RPIA: variants seen among roughly 807,000 people sequenced by gnomAD.
The protein encoded by RPIA is ribose-5-phosphate isomerase.
In RPIA, 29 loss-of-function variants were observed where a neutral mutation model predicts 37.8. That is an observed-to-expected ratio of 0.77 (90% CI 0.57 to 1.05). The LOEUF (loss-of-function observed/expected upper bound fraction) is 1.05. Ranked by LOEUF, RPIA falls within the 50% of genes least tolerant of loss-of-function variation. RPIA has a pLI of 0.00. For missense variants in RPIA, 385 were observed against 413.6 expected, an observed-to-expected ratio of 0.93 and a Z score of 0.60; for synonymous variants, 167 against 157.0, an observed-to-expected ratio of 1.06 and a Z score of -0.48.
chr2:88,706,408 A>G (rs1293332699), intron 3 of RPIA, among the ~76,000 whole-genome samples: 2 of 152,178 alleles, frequency 1.3e-5, no homozygotes, highest in Admixed American at 6.5e-5. Flanking sequence ...TGGCAGGGAC[A>G]TGGATAGAGC....
At chr2:88,719,825 GA>G (rs1673097726) in intron 3 of RPIA, among the ~76,000 whole-genome samples, 1 of 152,050 alleles carries the variant, frequency 6.6e-6, no homozygotes, top group Non-Finnish European at 1.5e-5. Context: ...CTTTATTAAG[GA>G]GTCGGTTAAT....
intron 8 of RPIA, among the ~76,000 whole-genome samples, chr2:88,740,913 A>T (rs1428208156): frequency 6.6e-6 from 1 of 152,074 alleles, no homozygotes; most frequent in African/African-American, 2.4e-5. Context: ...TCATCTTTGG[A>T]AGGATCCAGT....
chr2:88,703,001 C>G (rs936298720), intron 3 of RPIA, among the ~76,000 whole-genome samples: 15 of 152,190 alleles, frequency 9.9e-5, no homozygotes, highest in African/African-American at 3.4e-4. Context: ...AGTCTGAAAT[C>G]CAGGATGGGC....
intron 8 of RPIA, among the ~76,000 whole-genome samples, chr2:88,746,025 C>T (rs1673433840): frequency 6.6e-6 from 1 of 152,034 alleles, no homozygotes; most frequent in Non-Finnish European, 1.5e-5. Flanking sequence ...AATTTGAAAG[C>T]CTTGTCTTCG....
intron 8 of RPIA, among the ~76,000 whole-genome samples, chr2:88,747,543 A>C (rs1037433756): frequency 1.3e-5 from 2 of 152,114 alleles, no homozygotes; most frequent in African/African-American, 4.8e-5. Context: ...GCCCCTCCCC[A>C]GTTCTGCTGG....
At chr2:88,742,749 G>A (rs983000178) in intron 8 of RPIA, among the ~76,000 whole-genome samples, 1 of 152,058 alleles carries the variant, frequency 6.6e-6, no homozygotes, top group Non-Finnish European at 1.5e-5. Flanking sequence ...TCCTTGTAGA[G>A]ATCTTTCACC....
At position 88,729,822 on chromosome 2, in the gene RPIA, C is replaced by T. The variant is rs1472932698; in HGVS notation, c.462+485C>T. ...GAAAGGATCAACAAAATTGATAGAC[C>T]GCTAGCAAGACTAATAAAGAAAAAA... On this transcript the variant is annotated intron_variant, in intron 4 of 8. Transcript: ENST00000283646. Among the ~76,000 whole-genome samples the T allele has an allele frequency of 3.7e-5, 2 of 53,552 alleles. 1 individual carries two copies. Among genetic ancestry groups the T allele is most frequent in the Admixed American group, 3.4e-4 (2 of 5,858 alleles). The allele number at this position is 53,552 out of a possible 152,430, so 35.1% of individuals were successfully genotyped here.
At chr2:88,698,351 G>A in intron 1 of RPIA, 133 bp from the exon 2 acceptor site, 1 of 790,914 alleles carries the variant, frequency 1.3e-6, no homozygotes. Flanking sequence ...TATAAAATAG[G>A]CACAGTACCT....
chr2:88,749,889 A>T, intron 8 of RPIA, 92 bp from the exon 9 acceptor site: 1 of 808,354 alleles, frequency 1.2e-6, no homozygotes, highest in Non-Finnish European at 2.2e-6. Flanking sequence ...AATGCTGTGT[A>T]TGACAGTTGC....
intron 3 of RPIA, among the ~76,000 whole-genome samples, chr2:88,714,550 T>TA (rs1673009475): frequency 2.0e-5 from 3 of 152,190 alleles, no homozygotes; most frequent in Admixed American, 2.0e-4. Flanking sequence ...GTCAGGCCAT[T>TA]ACCTTGGGGA....
rs1913670 is a variant in RPIA, at chr2:88,712,842, G to A, written c.402+12778G>A. Among the ~76,000 whole-genome samples, 972 of 151,848 alleles carry A rather than the reference G, an allele frequency of 6.4e-3. 7 individuals carry two copies. The highest frequency in any genetic ancestry group is 0.023 in the African/African-American group (944 of 41,398). ...AGGAAATTTCCTTCTCTTTTCTCTT[G>A]TTTTGGGTTGCCCTTGCTTCTTCTT... On this transcript the variant is annotated intron_variant, in intron 3 of 8. Transcript: ENST00000283646.
At chr2:88,702,760 A>G (rs1243700905) in intron 3 of RPIA, among the ~76,000 whole-genome samples, 2 of 152,218 alleles carry the variant, frequency 1.3e-5, no homozygotes, top group Non-Finnish European at 2.9e-5. Flanking sequence ...TTCAAAACCA[A>G]TTATGCCTTC....
intron 8 of RPIA, among the ~76,000 whole-genome samples, chr2:88,744,204 C>G (rs2104147333): frequency 6.6e-6 from 1 of 152,248 alleles, no homozygotes; most frequent in South Asian, 2.1e-4. Flanking sequence ...TAGGTTGTAT[C>G]ACTATTATTA....
At chr2:88,740,665 G>A (rs1673371885) in intron 8 of RPIA, among the ~76,000 whole-genome samples, 2 of 152,184 alleles carry the variant, frequency 1.3e-5, no homozygotes. Context: ...TTCACATTTA[G>A]CATCCTCTGC....
intron 3 of RPIA, among the ~76,000 whole-genome samples, chr2:88,724,012 A>G (rs1370159929): frequency 6.6e-6 from 1 of 152,170 alleles, no homozygotes; most frequent in Non-Finnish European, 1.5e-5. Flanking sequence ...TCAGATATGC[A>G]TTTATCACAG....
At position 88,691,681 on chromosome 2, in the gene RPIA, C is replaced by T; in HGVS notation, c.-18C>T. 1 of 1,568,146 alleles carries T rather than the reference C, an allele frequency of 6.4e-7. No homozygotes were observed. ...GCCGGGGGCGGGACTTCAGCGGAGG[C>T]CGGAGCGAGGCGTCGGGATGCAGCG... On this transcript the variant is annotated 5_prime_UTR_variant, in exon 1 of 9. Transcript: ENST00000283646.
At chr2:88,694,059 C>G (rs1438363135) in intron 1 of RPIA, among the ~76,000 whole-genome samples, 2 of 152,228 alleles carry the variant, frequency 1.3e-5, no homozygotes. Context: ...CAAAGTTACT[C>G]CATTCGACAA....
chr2:88,736,299 C>T lies in RPIA; in HGVS notation c.597-236C>T, dbSNP rs1186210081. 2.0e-5 allele frequency among the ~76,000 whole-genome samples: 3 copies of T among 152,340 alleles called. No homozygotes were observed. In the East Asian group the frequency reaches 5.8e-4, roughly 29 times the overall value. Reference sequence around the variant, plus strand: ...CCACAGGACGAGCATAAATATTAAACACCTACATACCCACAAGCCAGCAAT... The same window carrying T: ...CCACAGGACGAGCATAAATATTAAATACCTACATACCCACAAGCCAGCAAT... On this transcript the variant is annotated intron_variant, in intron 6 of 8. Transcript: ENST00000283646.
intron 1 of RPIA, among the ~76,000 whole-genome samples, chr2:88,693,980 T>C (rs1259613092): frequency 6.6e-6 from 1 of 152,220 alleles, no homozygotes; most frequent in East Asian, 1.9e-4. Flanking sequence ...CTGGGCTTTG[T>C]TTTTTTACTA....
Sources: gnomAD v4.1 joint callset for allele counts (sites outside exome capture counted in the v4.1 genomes callset) on GRCh38, gnomAD v4.1.1 for gene constraint, MANE v1.5 for transcripts, NCBI Gene and HGNC (gene_info 2026-07-23, HGNC 2026-07-21) for gene names.